Variants in KHDRBS3 observed in about 807,000 individuals in gnomAD.
KHDRBS3 encodes KH RNA binding domain containing, signal transduction associated 3.
In KHDRBS3, 23 loss-of-function variants were observed where a neutral mutation model predicts 45.6. That is an observed-to-expected ratio of 0.50 (90% confidence interval 0.36 to 0.72). The LOEUF (loss-of-function observed/expected upper bound fraction) is 0.72. Ranked by LOEUF, KHDRBS3 falls within the 30% of genes least tolerant of loss-of-function variation. The pLI is 0.00. For synonymous variants in KHDRBS3, 162 were observed against 156.5 expected, an observed-to-expected ratio of 1.04 and a Z score of -0.26; for missense variants, 352 against 424.8, an observed-to-expected ratio of 0.83 and a Z score of 1.51.
chr8:135,558,229 AC>A (rs1826985960), intron 5 of KHDRBS3, among the ~76,000 whole-genome samples: 2 of 152,198 alleles, frequency 1.3e-5, no homozygotes. Flanking sequence ...GTCTAGGCAC[AC>A]ACATTTTTTA....
At chr8:135,471,651 T>G (rs984381480) in intron 1 of KHDRBS3, among the ~76,000 whole-genome samples, 1 of 152,164 alleles carries the variant, frequency 6.6e-6, no homozygotes, top group African/African-American at 2.4e-5. Context: ...ACTCCTCACA[T>G]AGTGGTAGAA....
downstream of KHDRBS3, among the ~76,000 whole-genome samples, chr8:135,651,589 C>T (rs1427611762): frequency 6.6e-6 from 1 of 152,058 alleles, no homozygotes; most frequent in Non-Finnish European, 1.5e-5. Flanking sequence ...GTGTAGTATC[C>T]TCTTTGCCTT....
chr8:135,591,588 C>T (rs1342080632), intron 6 of KHDRBS3, among the ~76,000 whole-genome samples: 1 of 152,196 alleles, frequency 6.6e-6, no homozygotes, highest in African/African-American at 2.4e-5. Context: ...CTCATCTGTA[C>T]ATGGGAATAG....
At chr8:135,470,654 C>T (rs552603758) in intron 1 of KHDRBS3, among the ~76,000 whole-genome samples, 5 of 150,902 alleles carry the variant, frequency 3.3e-5, no homozygotes, top group Admixed American at 2.0e-4. Flanking sequence ...GATGTGATCT[C>T]GGCTCACTGC....
intron 7 of KHDRBS3, among the ~76,000 whole-genome samples, chr8:135,640,731 A>C (rs1831025699): frequency 6.6e-6 from 1 of 152,144 alleles, no homozygotes; most frequent in Non-Finnish European, 1.5e-5. Flanking sequence ...ATCTGTTGAG[A>C]GAGGGGCCTC....
intron 1 of KHDRBS3, among the ~76,000 whole-genome samples, chr8:135,460,153 CTTG>C (rs1343305948): frequency 6.6e-6 from 1 of 152,224 alleles, no homozygotes; most frequent in African/African-American, 2.4e-5. Flanking sequence ...ATCCAACCAT[CTTG>C]TTATGGGCTA....
chr8:135,466,632 T>G (rs931957340), intron 1 of KHDRBS3, among the ~76,000 whole-genome samples: 1 of 152,308 alleles, frequency 6.6e-6, no homozygotes, highest in South Asian at 2.1e-4. Flanking sequence ...AACAAAAGAT[T>G]TGTCAGTTGG....
At chr8:135,585,165 G>A (rs1056674892) in intron 6 of KHDRBS3, among the ~76,000 whole-genome samples, 2 of 143,864 alleles carry the variant, frequency 1.4e-5, no homozygotes, top group African/African-American at 5.2e-5. Flanking sequence ...GCAGGTGGAG[G>A]TTGCAGTGAG....
intron 5 of KHDRBS3, among the ~76,000 whole-genome samples, chr8:135,560,790 G>A (rs544214187): frequency 1.3e-4 from 20 of 152,110 alleles, no homozygotes; most frequent in Non-Finnish European, 2.8e-4. Context: ...TCAAATTTTA[G>A]ACCCTAGTTT....
chr8:135,474,096 A>G (rs1460601859), intron 1 of KHDRBS3, among the ~76,000 whole-genome samples: 1 of 152,210 alleles, frequency 6.6e-6, no homozygotes, highest in African/African-American at 2.4e-5. Flanking sequence ...CTCATTGTTC[A>G]TTTAATTCAC....
At chr8:135,561,712 A>G (rs1002494202) in intron 5 of KHDRBS3, among the ~76,000 whole-genome samples, 1 of 152,118 alleles carries the variant, frequency 6.6e-6, no homozygotes, top group Non-Finnish European at 1.5e-5. Context: ...CAGAACATGT[A>G]ACAGTGGTCT....
chr8:135,628,584 T>G (rs1830469616), intron 7 of KHDRBS3, among the ~76,000 whole-genome samples: 1 of 152,232 alleles, frequency 6.6e-6, no homozygotes, highest in Admixed American at 6.5e-5. Flanking sequence ...TATCTATTAT[T>G]AGTGTGATAT....
rs895569570 is a variant in KHDRBS3 at position 135,542,569 on chromosome 8, C to A, written c.208-85C>A. ...TTTGCCATTAATCAATGATGTGTAG[C>A]ACACTACAGTGTTTCTTAACATTCA... is the stretch of plus-strand genomic sequence containing the variant. On this transcript the variant is annotated intron_variant, in intron 2 of 8. Transcript: ENST00000355849. 8 of 825,100 alleles carry A rather than the reference C, an allele frequency of 9.7e-6. No homozygotes were observed. The Admixed American group carries it at 1.5e-4, about 15-fold the overall frequency. The allele number at this position is 825,100 out of a possible 1,614,324, so 51.1% of individuals were successfully genotyped here.
intron 7 of KHDRBS3, chr8:135,625,563 GAGAGGGAGCCACTGC>G: frequency 1.1e-6 from 1 of 935,496 alleles, no homozygotes; most frequent in South Asian, 1.3e-5. Context: ...GGAGCAACGA[GAGAGGGAGCCACTGC>G]AGTTTCTTGA....
chr8:135,655,294 A>C (rs1831509575), intron 4 of KHDRBS3, among the ~76,000 whole-genome samples: 1 of 152,220 alleles, frequency 6.6e-6, no homozygotes, highest in Non-Finnish European at 1.5e-5. Flanking sequence ...GCAGCAATAA[A>C]AGGCTAGAGA....
At chr8:135,590,995 T>C (rs554705900) in intron 6 of KHDRBS3, among the ~76,000 whole-genome samples, 1 of 152,348 alleles carries the variant, frequency 6.6e-6, no homozygotes, top group East Asian at 1.9e-4. Flanking sequence ...CTCATAAGAA[T>C]ACAAAAACTC....
chr8:135,558,374 A>T (rs1008076885), intron 5 of KHDRBS3, among the ~76,000 whole-genome samples: 1 of 152,350 alleles, frequency 6.6e-6, no homozygotes, highest in East Asian at 1.9e-4. Context: ...GGAAAGAATA[A>T]TGCAAATTTT....
At position 135,647,426 on chromosome 8, in the gene KHDRBS3, G is replaced by T. The variant is rs141300893; in HGVS notation, c.*342G>T. On this transcript the variant is annotated 3_prime_UTR_variant, in exon 9 of 9. Transcript: ENST00000355849. The stretch of plus-strand genomic sequence containing the variant: ...ACCTTTCATTTTAAAGGTTTCCATA[G>T]AATTTAGTTATTTTATCTTTCAGCC... 416 of 162,358 alleles carry T rather than the reference G, an allele frequency of 2.6e-3. 1 individual carries two copies. Among genetic ancestry groups the T allele is most frequent in the Non-Finnish European group, 4.1e-3 (309 of 74,792 alleles). The allele number at this position is 162,358 out of a possible 1,614,324, so 10.1% of individuals were successfully genotyped here.
At chr8:135,641,127 C>T (rs1479016466) in intron 7 of KHDRBS3, among the ~76,000 whole-genome samples, 1 of 152,150 alleles carries the variant, frequency 6.6e-6, no homozygotes, top group African/African-American at 2.4e-5. Flanking sequence ...TGGACCTAAT[C>T]CTGCTACCTT....
Sources: allele counts gnomAD v4.1 joint callset (sites outside exome capture counted in the v4.1 genomes callset), GRCh38; gene constraint gnomAD v4.1.1; transcripts MANE v1.5; gene names NCBI Gene and HGNC (gene_info 2026-07-23, HGNC 2026-07-21).